The following UBQLN4 variants were observed in gnomAD, a reference collection of about 807,000 sequenced individuals.
UBQLN4 encodes the protein ubiquilin-4.
A neutral mutation model predicts 60.4 loss-of-function variants in UBQLN4; 11 were observed. The ratio of observed to expected loss-of-function variants is 0.18; its 90% confidence interval spans 0.11 to 0.30. The LOEUF (loss-of-function observed/expected upper bound fraction) is 0.30. UBQLN4 is among the 10% of genes least tolerant of loss of function. The pLI is 1.00. For synonymous variants in UBQLN4, 258 were observed against 313.1 expected (o/e 0.82, Z 1.86); for missense variants, 417 against 795.5 (o/e 0.52, Z 5.72).
intron 5 of UBQLN4, among the ~76,000 whole-genome samples, chr1:156,045,745 G>T (rs561233093): frequency 6.6e-6 from 1 of 152,226 alleles, no homozygotes; most frequent in South Asian, 2.1e-4. Flanking sequence ...ACATCAAAGA[G>T]AACTACAAAA....
chr1:156,050,350 A>T lies in UBQLN4; in HGVS notation c.682T>A (p.Leu228Met). The change falls in exon 4 of 11, where the codon TTG (leucine) becomes ATG (methionine). Residue 228 changes from leucine to methionine, a missense_variant. By Grantham distance (15) the Leu-to-Met change is conservative. Coordinates refer to ENST00000368309, the MANE Select transcript of UBQLN4 (RefSeq NM_020131.5). The surrounding 1 kb of genome is among the most constrained non-coding windows in gnomAD (Gnocchi z 4.6). Reference sequence around the variant, plus strand: ...CTGATCTCAGGGTTCCGCTCCATCAACTGCTGCATCTGGGGGTTGGCCATA... The same window carrying T: ...CTGATCTCAGGGTTCCGCTCCATCATCTGCTGCATCTGGGGGTTGGCCATA... Reference protein sequence around the residue: ...MIMANPQMQQLMERNPEISHM... With the variant: ...MIMANPQMQQMMERNPEISHM... 6.2e-7 allele frequency: 1 copy of T among 1,611,652 alleles called. No homozygotes were observed. The highest frequency in any genetic ancestry group is 8.5e-7 in the Non-Finnish European group (1 of 1,178,120).
chr1:156,047,823 C>T (rs1240909215), intron 5 of UBQLN4, among the ~76,000 whole-genome samples: 7 of 142,390 alleles, frequency 4.9e-5, no homozygotes, highest in South Asian at 4.5e-4. Context: ...ACCCGGGAGG[C>T]GGAGGTTACA....
At position 156,050,585 on chromosome 1, in the gene UBQLN4, A is replaced by C. The variant is rs769168300; in HGVS notation, c.479-32T>G. The C allele has an allele frequency of 6.3e-7, 1 of 1,579,778 alleles. No homozygotes were observed. The highest frequency in any genetic ancestry group is 1.2e-5 in the South Asian group (1 of 86,160). ...GAAGGGGGCAGGGTCACAGTCTGCC[A>C]CAAGAACAGTGTCCTCACTTAGCCA... On this transcript the variant is annotated intron_variant, in intron 3 of 10. Coordinates refer to ENST00000368309, the MANE Select transcript of UBQLN4 (RefSeq NM_020131.5). The surrounding 1 kb of genome is among the most constrained non-coding windows in gnomAD (Gnocchi z 4.6).
At chr1:156,042,570 A>C in intron 7 of UBQLN4, 1 of 1,044,476 alleles carries the variant, frequency 9.6e-7, no homozygotes, top group Non-Finnish European at 1.3e-6. Context: ...CAACTATAGG[A>C]GGTAGGAACT....
Position 156,044,148 on chromosome 1 carries a change from G to C in UBQLN4, c.976C>G (p.Arg326Gly), listed in dbSNP as rs1247305996. The change falls in exon 6 of 11, where the codon CGA (arginine) becomes GGA (glycine). Residue 326 changes from arginine (R) to glycine (G), a missense_variant. Physicochemically the swap from Arg to Gly is moderately radical, Grantham distance 125. Transcript: ENST00000368309. ...CTCCAGGGGTTAGGGAGGGGCTCTC[G>C]ATTCTCAGTCCGCAGAGGCTGGGAG... ...SSSQPLRTEN[R>G]EPLPNPWSPS... is the part of the protein sequence containing the mutation. The C allele has an allele frequency of 1.3e-6, 2 of 1,580,220 alleles. No individual in the cohort carries two copies. The highest frequency in any genetic ancestry group is 1.7e-6 in the Non-Finnish European group (2 of 1,163,228).
At position 156,050,102 on chromosome 1, in the gene UBQLN4, C is replaced by T. The variant is rs1180615009; in HGVS notation, c.741+189G>A. Among the ~76,000 whole-genome samples the T allele has an allele frequency of 6.6e-6, 1 of 152,232 alleles. No homozygotes were observed. The highest frequency in any genetic ancestry group is 2.4e-5 in the African/African-American group (1 of 41,454). The stretch of plus-strand genomic sequence containing the variant: ...ACATTGTATTCTAATTGCCGGTTTA[C>T]TTGTCCTACTTCCCTTTGACACCTG... On this transcript the variant is annotated intron_variant, in intron 4 of 10. Coordinates refer to ENST00000368309, the MANE Select transcript of UBQLN4 (RefSeq NM_020131.5). The surrounding 1 kb of genome is among the most constrained non-coding windows in gnomAD (Gnocchi z 4.6).
At chr1:156,051,437 C>G (rs1044436941) in intron 2 of UBQLN4, 110 bp from the exon 3 acceptor site, 1 of 1,338,218 alleles carries the variant, frequency 7.5e-7, no homozygotes, top group African/African-American at 1.5e-5. Flanking sequence ...AAGACCCCTC[C>G]TGAGCAGTCC....
Position 156,036,941 on chromosome 1 carries a change from C to T in UBQLN4, c.*37G>A, listed in dbSNP as rs763579364. On this transcript the variant is annotated 3_prime_UTR_variant, in exon 11 of 11. Coordinates refer to ENST00000368309, the MANE Select transcript of UBQLN4 (RefSeq NM_020131.5). Reference sequence around the variant, plus strand: ...TGACAGAAGAACCGAATGCTGACATCGAGGGAGGGGAGAGGCAGGAGGCAT... The same window carrying T: ...TGACAGAAGAACCGAATGCTGACATTGAGGGAGGGGAGAGGCAGGAGGCAT... 6 of 1,602,842 alleles carry T rather than the reference C, an allele frequency of 3.7e-6. No homozygotes were observed. Among genetic ancestry groups the T allele is most frequent in the South Asian group, 3.3e-5 (3 of 89,580 alleles).
chr1:156,034,296 C>T (rs114287498), downstream of UBQLN4, among the ~76,000 whole-genome samples: 2 of 123,366 alleles, frequency 1.6e-5, no homozygotes, highest in African/African-American at 3.1e-5. Context: ...TTTTGTTTTA[C>T]TTTTTTTTTT....
rs1683400415 is a variant in UBQLN4, at chr1:156,036,253, C to CT, written c.*724dup. On this transcript the variant is annotated 3_prime_UTR_variant, in exon 11 of 11. Coordinates refer to ENST00000368309, the MANE Select transcript of UBQLN4 (RefSeq NM_020131.5). ...CCAACTTCCAAGCCTTTTACTCAGG[C>CT]TGTCTCCCCCATTCCCTTCCTCCGA... 1 of 985,524 alleles carries CT rather than the reference C, an allele frequency of 1.0e-6. No individual in the cohort carries two copies. The highest frequency in any genetic ancestry group is 1.7e-5 in the African/African-American group (1 of 57,242). 61.0% of individuals were successfully genotyped at this position (985,524 alleles called of 1,614,324 possible). A position where few individuals can be genotyped will look rare whatever the true frequency, so the allele number is the denominator to read the frequency against.
intron 6 of UBQLN4, 65 bp downstream of exon 6, chr1:156,043,933 T>C (rs1296868181): frequency 1.3e-6 from 2 of 1,521,618 alleles, no homozygotes; most frequent in Non-Finnish European, 1.8e-6. Context: ...ATGAACCCCA[T>C]TCAGTCCTGG....
At position 156,042,251 on chromosome 1, in the gene UBQLN4, G is replaced by A. The variant is rs1683587191; in HGVS notation, c.1267-15C>T. On this transcript the variant is annotated splice_polypyrimidine_tract_variant and intron_variant, in intron 7 of 10. Transcript: ENST00000368309. ...TTCACCATCATCTGCCAGGGTGAAG[G>A]TAGCAGGGGGAGACCTGGGCCTTTT... 1 of 1,579,492 alleles carries A rather than the reference G, an allele frequency of 6.3e-7. No individual in the cohort carries two copies.
downstream of UBQLN4, chr1:156,033,319 G>A: frequency 1.0e-6 from 1 of 982,404 alleles, no homozygotes; most frequent in Non-Finnish European, 1.2e-6. Flanking sequence ...CTTCCGCTTA[G>A]AAATAAAGCA....
At chr1:156,051,463 G>A in intron 2 of UBQLN4, 136 bp from the exon 3 acceptor site, 1 of 1,218,650 alleles carries the variant, frequency 8.2e-7, no homozygotes, top group Non-Finnish European at 1.2e-6. Flanking sequence ...CTGGAGTGGG[G>A]TGATGGCGGG....
chr1:156,033,843 T>C (rs1223659477), downstream of UBQLN4, among the ~76,000 whole-genome samples: 3 of 149,984 alleles, frequency 2.0e-5, no homozygotes, highest in African/African-American at 4.9e-5. Context: ...AAACTCCATC[T>C]TGAAAAAAAA....
chr1:156,037,512 C>A (rs1020761206), intron 10 of UBQLN4, among the ~76,000 whole-genome samples: 1 of 152,164 alleles, frequency 6.6e-6, no homozygotes, highest in Non-Finnish European at 1.5e-5. Flanking sequence ...AGGAGAATGG[C>A]GTGAATCCGG....
At position 156,042,198 on chromosome 1, in the gene UBQLN4, T is replaced by C. The variant is rs1683585911; in HGVS notation, c.1305A>G (p.Gln435=). ...GCTGCAGGCGGAGCTGCTCCTGCAG[T>C]TGGGGGTTCCCCGCGAAGAGCGGCA... ...VNVPLFAGNP[Q]LQEQLRLQLP... is the part of the protein sequence containing the mutation. The change falls in exon 8 of 11, where the codon CAA becomes CAG. Residue 435 remains glutamine, a synonymous_variant. Coordinates refer to ENST00000368309, the MANE Select transcript of UBQLN4 (RefSeq NM_020131.5). 3 of 1,608,288 alleles carry C rather than the reference T, an allele frequency of 1.9e-6. No individual in the cohort carries two copies. The highest frequency in any genetic ancestry group is 1.1e-5 in the South Asian group (1 of 90,282).
chr1:156,053,797 T>G lies in UBQLN4; in HGVS notation c.-96A>C. The G allele has an allele frequency of 1.2e-5, 5 of 429,498 alleles. No individual in the cohort carries two copies. Among genetic ancestry groups the G allele is most frequent in the East Asian group, 5.5e-5 (1 of 18,214 alleles). The allele number at this position is 429,498 out of a possible 1,614,324, so 26.6% of individuals were successfully genotyped here. A position where few individuals can be genotyped will look rare whatever the true frequency, so the allele number is the denominator to read the frequency against. ...GGCTCGGCTTCTGCGCCTCCAACAC[T>G]CCCCTCTCTCCACCTCTCCCCTCCC... On this transcript the variant is annotated 5_prime_UTR_variant, in exon 1 of 11. Transcript: ENST00000368309.
chr1:156,031,577 CTTTTTT>C (rs58222507), downstream of UBQLN4, among the ~76,000 whole-genome samples: 1 of 122,746 alleles, frequency 8.1e-6, no homozygotes. Flanking sequence ...GGAACTTCTT[CTTTTTT>C]TTTTTTTTTT....
Sources: allele counts gnomAD v4.1 joint callset (sites outside exome capture counted in the v4.1 genomes callset), GRCh38; gene constraint gnomAD v4.1.1; non-coding constraint Gnocchi (gnomAD v3.1); transcripts MANE v1.5; gene names NCBI Gene and HGNC (gene_info 2026-07-23, HGNC 2026-07-21).